The following PDE4A variants were observed in gnomAD, a reference collection of about 807,000 sequenced individuals.
The protein encoded by PDE4A is 3',5'-cyclic-AMP phosphodiesterase 4A.
A neutral mutation model predicts 73.9 loss-of-function variants in PDE4A; 21 were observed. The ratio of observed to expected loss-of-function variants is 0.28; its 90% CI spans 0.20 to 0.41. PDE4A has a LOEUF of 0.41. PDE4A is among the 10% of genes least tolerant of loss of function. The pLI is 1.00. For synonymous variants in PDE4A, 463 were observed against 505.4 expected, an observed-to-expected ratio of 0.92 and a Z score of 1.13; for missense variants, 958 against 1,211.4, an observed-to-expected ratio of 0.79 and a Z score of 3.10.
In PDE4A at chr19:10,450,402, T is replaced by C. The variant is rs8105602; in HGVS notation, c.621-201T>C. 85 of 753,328 alleles carry C rather than the reference T, an allele frequency of 1.1e-4. 1 individual carries two copies. In the African/African-American group the frequency reaches 1.6e-3, roughly 14 times the overall value. 46.7% of individuals were successfully genotyped at this position (753,328 alleles called of 1,614,324 possible). A position where few individuals can be genotyped will look rare whatever the true frequency, so the allele number is the denominator to read the frequency against. On this transcript the variant is annotated intron_variant, in intron 4 of 14. Transcript: ENST00000380702. ...GTGGTCTTGAAGAAGCTGTTTCACC[T>C]CCTTGAGCCTCAGTTTCCACATCTA... is the stretch of plus-strand genomic sequence containing the variant.
chr19:10,445,634 G>A (rs966891800), intron 1 of PDE4A, among the ~76,000 whole-genome samples: 7 of 151,730 alleles, frequency 4.6e-5, no homozygotes, highest in African/African-American at 1.7e-4. Flanking sequence ...CAGGTGCGGT[G>A]GTGCATGTCT....
At chr19:10,425,204 C>G (rs756460096) in intron 1 of PDE4A, among the ~76,000 whole-genome samples, 7 of 149,786 alleles carry the variant, frequency 4.7e-5, no homozygotes, top group Admixed American at 6.7e-5. Context: ...AGCCTGGCAG[C>G]AGAGCGAGAC....
intron 1 of PDE4A, among the ~76,000 whole-genome samples, chr19:10,434,950 G>A (rs749874716): frequency 2.0e-5 from 3 of 149,284 alleles, no homozygotes; most frequent in Non-Finnish European, 3.0e-5. Flanking sequence ...GGATGCAGTG[G>A]TATCATCTCT....
At chr19:10,430,863 C>G in intron 1 of PDE4A, 1 of 1,415,032 alleles carries the variant, frequency 7.1e-7, no homozygotes, top group Non-Finnish European at 9.2e-7. Flanking sequence ...GCCGCGCGGC[C>G]TAGGCCGCAT....
chr19:10,467,285 G>A lies in PDE4A; in HGVS notation c.2325G>A (p.Glu775=), dbSNP rs1169733702. ...AQEASLEAEL[E]AVYLTQQAQS... is the part of the protein sequence containing the mutation. Reference sequence around the variant, plus strand: ...AAGCATCCCTGGAGGCCGAGCTGGAGGCAGTGTATTTGACACAGCAGGCAC... The same window carrying A: ...AAGCATCCCTGGAGGCCGAGCTGGAAGCAGTGTATTTGACACAGCAGGCAC... The change falls in exon 15 of 15, where the codon GAG becomes GAA. Residue 775 remains glutamate, a synonymous_variant. Coordinates refer to ENST00000380702, the MANE Select transcript of PDE4A (RefSeq NM_001111307.2). 6.2e-7 allele frequency: 1 copy of A among 1,614,182 alleles called. No individual in the cohort carries two copies. Among genetic ancestry groups the A allele is most frequent in the East Asian group, 2.2e-5 (1 of 44,878 alleles).
chr19:10,463,904 C>T lies in PDE4A; in HGVS notation c.1855C>T (p.Arg619Ter). 6 of 1,614,076 alleles carry T rather than the reference C, an allele frequency of 3.7e-6. No individual in the cohort carries two copies. Among genetic ancestry groups the T allele is most frequent in the South Asian group, 1.1e-5 (1 of 91,070 alleles). Residue 619 changes from arginine (R) to a stop codon, truncating the protein, a stop_gained, in exon 14 of 15, where the codon CGA (arginine) becomes TGA (stop). Coordinates refer to ENST00000380702, the MANE Select transcript of PDE4A (RefSeq NM_001111307.2). LOFTEE classifies it high-confidence loss of function. Reference protein sequence around the residue: ...IMAEFFQQGDRERERGMEISP... With the variant: ...IMAEFFQQGD ...GGCCGAGTTCTTCCAGCAGGGTGAC[C>T]GAGAGCGCGAGCGTGGCATGGAAAT... is the stretch of plus-strand genomic sequence containing the variant.
chr19:10,455,596 T>G (rs2043158273), intron 7 of PDE4A, among the ~76,000 whole-genome samples: 1 of 152,100 alleles, frequency 6.6e-6, no homozygotes. Context: ...ATCACACCAC[T>G]GCGTTCCAGC....
chr19:10,461,011 T>C lies in PDE4A; in HGVS notation c.1373T>C (p.Phe458Ser). 6.2e-7 allele frequency: 1 copy of C among 1,613,086 alleles called. No homozygotes were observed. Among genetic ancestry groups the C allele is most frequent in the Non-Finnish European group, 8.5e-7 (1 of 1,179,354 alleles). Reference protein sequence around the residue: ...LLATPALDAVFTDLEILAALF... With the variant: ...LLATPALDAVSTDLEILAALF... ...CCGTGTCTCTGCTCCCAGGCAGTGT[T>C]CACGGACCTGGAGATTCTCGCCGCC... The change falls in exon 11 of 15, where the codon TTC (phenylalanine) becomes TCC (serine). Residue 458 changes from phenylalanine to serine, a missense_variant. Around this residue, in one of 3 missense-constraint regions of PDE4A, gnomAD observed 570 missense variants for 827.7 expected, o/e 0.69. Transcript: ENST00000380702.
At chr19:10,436,383 C>T (rs865952102) in intron 1 of PDE4A, among the ~76,000 whole-genome samples, 2 of 151,972 alleles carry the variant, frequency 1.3e-5, no homozygotes, top group South Asian at 2.1e-4. Context: ...TGGAGAAACC[C>T]CGTCTCTACT....
upstream of PDE4A, chr19:10,417,039 G>T: frequency 5.9e-6 from 9 of 1,532,076 alleles, no homozygotes; most frequent in Non-Finnish European, 7.9e-6. Context: ...CCCCTTGGGG[G>T]AGACTAGCGC....
chr19:10,432,542 C>G, intron 1 of PDE4A: 1 of 1,524,760 alleles, frequency 6.6e-7, no homozygotes, highest in Non-Finnish European at 8.8e-7. Flanking sequence ...ATGAGGACAC[C>G]CGTCGGCACC....
In PDE4A at chr19:10,467,586, C is replaced by T. The variant is rs1355689814; in HGVS notation, c.2626C>T (p.Pro876Ser). The T allele has an allele frequency of 1.1e-5, 17 of 1,590,842 alleles. No individual in the cohort carries two copies. The highest frequency in any genetic ancestry group is 1.5e-5 in the Non-Finnish European group (17 of 1,166,146). Reference protein sequence around the residue: ...FGEDTSALPAPGGGGSGGDPT With the variant: ...FGEDTSALPASGGGGSGGDPT ...GGAGGACACATCCGCACTCCCAGCT[C>T]CTGGTGGCGGGGGGTCAGGTGGAGA... The change falls in exon 15 of 15, where the codon CCT (proline) becomes TCT (serine). Residue 876 changes from proline to serine, a missense_variant. Around this residue, in one of 3 missense-constraint regions of PDE4A, gnomAD observed 243 missense variants for 245.9 expected, o/e 0.99. Transcript: ENST00000380702.
At chr19:10,449,723 T>C (rs898417608) in intron 4 of PDE4A, among the ~76,000 whole-genome samples, 2 of 151,914 alleles carry the variant, frequency 1.3e-5, no homozygotes, top group Non-Finnish European at 2.9e-5. Context: ...ACAGCCACAG[T>C]CCCCAGGCCC....
intron 1 of PDE4A, among the ~76,000 whole-genome samples, chr19:10,445,659 G>A (rs922689114): frequency 1.3e-4 from 19 of 151,256 alleles, no homozygotes; most frequent in African/African-American, 4.1e-4. Flanking sequence ...TCCCAGCTAC[G>A]CAGGAGGCTG....
upstream of PDE4A, chr19:10,420,413 G>T: frequency 1.0e-6 from 1 of 968,378 alleles, no homozygotes; most frequent in African/African-American, 1.8e-5. The surrounding 1 kb of genome is among the most constrained non-coding windows in gnomAD (Gnocchi z 6.0). Context: ...CCGCTGGCCC[G>T]GACGGAGGAG....
chr19:10,418,465 C>T (rs1356900354), upstream of PDE4A, among the ~76,000 whole-genome samples: 2 of 151,870 alleles, frequency 1.3e-5, no homozygotes, highest in Non-Finnish European at 1.5e-5. Flanking sequence ...TGCCCCCATG[C>T]CCTCCTCTGG....
intron 1 of PDE4A, among the ~76,000 whole-genome samples, chr19:10,428,580 G>C (rs2042747897): frequency 2.0e-5 from 3 of 152,194 alleles, no homozygotes; most frequent in Admixed American, 2.0e-4. Flanking sequence ...GATAATAACT[G>C]TAGCTCATAT....
chr19:10,458,698 A>G lies in PDE4A; in HGVS notation c.1101+596A>G, dbSNP rs951678621. On this transcript the variant is annotated intron_variant, in intron 8 of 14. Coordinates refer to ENST00000380702, the MANE Select transcript of PDE4A (RefSeq NM_001111307.2). This position sits in a 1 kb window ranked among gnomAD's most constrained non-coding sequence, Gnocchi z 4.6. ...CAGTAGTGTGATCTCGGCTCAAGGCAACCTCCACCTCCTGGGTTCAAGCAA... is the reference window on the plus strand; with the variant it reads ...CAGTAGTGTGATCTCGGCTCAAGGCGACCTCCACCTCCTGGGTTCAAGCAA... 6.7e-6 allele frequency among the ~76,000 whole-genome samples: 1 copy of G among 148,868 alleles called. No homozygotes were observed. The highest frequency in any genetic ancestry group is 2.5e-5 in the African/African-American group (1 of 40,248).
chr19:10,428,850 C>T (rs2042750776), intron 1 of PDE4A: 2 of 985,322 alleles, frequency 2.0e-6, no homozygotes, highest in Admixed American at 6.2e-5. Flanking sequence ...TAGAGATTCA[C>T]TGTTGGGCGC....
Sources: gnomAD v4.1 joint callset for allele counts (sites outside exome capture counted in the v4.1 genomes callset) on GRCh38, gnomAD v4.1.1 for gene constraint, gnomAD v4.1.1 regional missense constraint, Gnocchi (gnomAD v3.1) non-coding constraint, MANE v1.5 for transcripts, NCBI Gene and HGNC (gene_info 2026-07-23, HGNC 2026-07-21) for gene names.